Variants in EXOSC10 observed in about 807,000 individuals in gnomAD.
EXOSC10 encodes the protein exosome component 10.
In EXOSC10, 94 loss-of-function variants were observed where a neutral mutation model predicts 126.6. That is an observed-to-expected ratio of 0.74 (90% confidence interval 0.63 to 0.88). The LOEUF (loss-of-function observed/expected upper bound fraction) is 0.88, where lower values mean the gene tolerates loss of function less well. Ranked by LOEUF, EXOSC10 falls within the 40% of genes least tolerant of loss-of-function variation. The pLI, the probability that EXOSC10 is intolerant of heterozygous loss-of-function variation, is 0.00. For missense variants in EXOSC10, 1,041 were observed against 1,100.5 expected (o/e 0.95, Z 0.77); for synonymous variants, 395 against 400.8 (o/e 0.99, Z 0.17).
At chr1:11,079,850 T>C (rs773757697) in intron 13 of EXOSC10, 28 bp from the exon 14 acceptor site, 2 of 1,568,112 alleles carry the variant, frequency 1.3e-6, no homozygotes, top group African/African-American at 1.4e-5. Flanking sequence ...CACACTCAAC[T>C]TGTCACTCAG....
At chr1:11,086,662 A>G (rs2100208524) in intron 9 of EXOSC10, among the ~76,000 whole-genome samples, 1 of 152,276 alleles carries the variant, frequency 6.6e-6, no homozygotes, top group East Asian at 1.9e-4. Context: ...AGGATTAAGA[A>G]ACTCACTCAA....
At chr1:11,080,247 T>C (rs975468206) in intron 13 of EXOSC10, among the ~76,000 whole-genome samples, 8 of 152,224 alleles carry the variant, frequency 5.3e-5, no homozygotes, top group Non-Finnish European at 1.2e-4. Flanking sequence ...GTAGATGCTA[T>C]AAGGCTCAGA....
At chr1:11,068,849 A>G in intron 22 of EXOSC10, 143 bp from the exon 23 acceptor site, 1 of 692,706 alleles carries the variant, frequency 1.4e-6, no homozygotes, top group African/African-American at 1.8e-5. Flanking sequence ...GCTAGGGCTC[A>G]TGGCTCACAT....
At chr1:11,076,427 G>A (rs771529218) in intron 17 of EXOSC10, among the ~76,000 whole-genome samples, 21 of 152,090 alleles carry the variant, frequency 1.4e-4, no homozygotes, top group Non-Finnish European at 2.5e-4. Flanking sequence ...TATGGGCAGC[G>A]CACATTCTAC....
rs1639445187 is a variant in EXOSC10 at position 11,070,891 on chromosome 1, G to A, written c.2316+9C>T. 3 of 1,612,704 alleles carry A rather than the reference G, an allele frequency of 1.9e-6. No individual in the cohort carries two copies. Among genetic ancestry groups the A allele is most frequent in the Non-Finnish European group, 2.5e-6 (3 of 1,179,142 alleles). Reference sequence around the variant, plus strand: ...TTTCAAAGGAAAAAGGAGAAAAGCTGGCACATACCACGACCTGCTGTCGGA... The same window carrying A: ...TTTCAAAGGAAAAAGGAGAAAAGCTAGCACATACCACGACCTGCTGTCGGA... On this transcript the variant is annotated intron_variant, in intron 21 of 24. Coordinates refer to ENST00000376936, the MANE Select transcript of EXOSC10 (RefSeq NM_001001998.3).
At chr1:11,078,264 C>CTTTTTTTTTTTTTTCTTT (rs1220119181) in intron 14 of EXOSC10, among the ~76,000 whole-genome samples, 1 of 143,668 alleles carries the variant, frequency 7.0e-6, no homozygotes, top group African/African-American at 2.6e-5. Flanking sequence ...GACCCTGTTT[C>CTTTTTTTTTTTTTTCTTT]TTTTTTTTTT....
chr1:11,099,839 G>C lies in EXOSC10; in HGVS notation c.-8C>G. On this transcript the variant is annotated 5_prime_UTR_variant, in exon 1 of 25. Transcript: ENST00000376936. ...GGTACTGGGTGGCGCCATTTTTTCA[G>C]CCTGCACGGCTCGTCTCGCGAGAGC... 1.3e-6 allele frequency: 2 copies of C among 1,596,536 alleles called. No individual in the cohort carries two copies. The highest frequency in any genetic ancestry group is 1.4e-5 in the African/African-American group (1 of 73,884).
At chr1:11,077,078 G>A (rs988356320) in intron 16 of EXOSC10, 130 bp from the exon 17 acceptor site, 29 of 690,418 alleles carry the variant, frequency 4.2e-5, no homozygotes, top group South Asian at 1.0e-4. Flanking sequence ...TGCAACCTCC[G>A]CCTCCTCGGT....
intron 3 of EXOSC10, 85 bp from the exon 4 acceptor site, chr1:11,091,682 G>T: frequency 1.0e-6 from 1 of 999,810 alleles, no homozygotes; most frequent in Non-Finnish European, 1.5e-6. Context: ...TATTTAACAT[G>T]GAGTATCACT....
chr1:11,082,935 A>AGTTT, intron 9 of EXOSC10, 57 bp from the exon 10 acceptor site: 2 of 1,358,672 alleles, frequency 1.5e-6, no homozygotes, highest in South Asian at 2.4e-5. Flanking sequence ...CATGCTCAGA[A>AGTTT]ATTAACTCTG....
intron 18 of EXOSC10, 57 bp from the exon 19 acceptor site, chr1:11,074,065 G>C (rs760752203): frequency 1.1e-4 from 169 of 1,546,460 alleles, no homozygotes; most frequent in Non-Finnish European, 1.4e-4. Flanking sequence ...TAGAGCCACG[G>C]GGCAGAAGCG....
intron 3 of EXOSC10, among the ~76,000 whole-genome samples, chr1:11,093,407 C>G (rs905432017): frequency 6.6e-6 from 1 of 152,136 alleles, no homozygotes; most frequent in Admixed American, 6.5e-5. Context: ...AGAGGCACAA[C>G]CAGGTGACAC....
At position 11,090,670 on chromosome 1, in the gene EXOSC10, T is replaced by C. The variant is rs1385760073; in HGVS notation, c.644-2A>G. The C allele has an allele frequency of 8.7e-6, 14 of 1,600,876 alleles. No individual in the cohort carries two copies. Among genetic ancestry groups the C allele is most frequent in the Non-Finnish European group, 1.2e-5 (14 of 1,171,914 alleles). ...GTTCCCGCCTTTCCTTAGAGAGAGC[T>C]GGGGATCCCAGCAGTGACAAAAACA... On this transcript the variant is annotated splice_acceptor_variant, in intron 5 of 24. Transcript: ENST00000376936. LOFTEE classifies it high-confidence loss of function.
chr1:11,090,952 C>T, intron 5 of EXOSC10, 62 bp downstream of exon 5: 1 of 1,555,972 alleles, frequency 6.4e-7, no homozygotes, highest in Non-Finnish European at 8.8e-7. Flanking sequence ...CCTGTACACC[C>T]TTCCTGGTTT....
At chr1:11,096,870 G>A (rs1040237512) in intron 2 of EXOSC10, among the ~76,000 whole-genome samples, 32 of 152,038 alleles carry the variant, frequency 2.1e-4, no homozygotes, top group African/African-American at 7.0e-4. Flanking sequence ...GAGTGGTCAC[G>A]ACTTCGAGAC....
chr1:11,080,439 T>G (rs1260065785), intron 13 of EXOSC10, 60 bp downstream of exon 13: 41 of 1,598,686 alleles, frequency 2.6e-5, no homozygotes, highest in Non-Finnish European at 3.5e-5. Flanking sequence ...AAAGCTTGAT[T>G]TTGAAGAACA....
At chr1:11,091,891 G>A (rs1367227550) in intron 3 of EXOSC10, among the ~76,000 whole-genome samples, 3 of 151,962 alleles carry the variant, frequency 2.0e-5, no homozygotes, top group Non-Finnish European at 4.4e-5. Flanking sequence ...GGTTTCACCC[G>A]GTTGGCCAGG....
At position 11,088,158 on chromosome 1, in the gene EXOSC10, G is replaced by A; in HGVS notation, c.799C>T (p.Pro267Ser). Reference protein sequence around the residue: ...PYQYELNHFTPADAVLQKPQP... With the variant: ...PYQYELNHFTSADAVLQKPQP... ...GGCTTTTGAAGCACTGCATCTGCTG[G>A]GGTAAAGTGATTTAGTTCATATTGA... Residue 267 changes from proline to serine, a missense_variant, in exon 7 of 25, where the codon CCA (proline) becomes TCA (serine). By Grantham distance (74) the Pro-to-Ser change is moderately conservative. Around this residue, in one of 3 missense-constraint regions of EXOSC10, gnomAD observed 645 missense variants for 656.3 expected, o/e 0.98. Coordinates refer to ENST00000376936, the MANE Select transcript of EXOSC10 (RefSeq NM_001001998.3). 1 of 1,613,508 alleles carries A rather than the reference G, an allele frequency of 6.2e-7. No homozygotes were observed. The highest frequency in any genetic ancestry group is 1.1e-5 in the South Asian group (1 of 90,932).
chr1:11,074,408 C>G, intron 17 of EXOSC10, 82 bp from the exon 18 acceptor site: 1 of 1,001,832 alleles, frequency 1.0e-6, no homozygotes, highest in Non-Finnish European at 1.5e-6. Flanking sequence ...CAACAGTTAA[C>G]AGTGATTTTT....
Sources: gnomAD v4.1 joint callset for allele counts (sites outside exome capture counted in the v4.1 genomes callset) on GRCh38, gnomAD v4.1.1 for gene constraint, gnomAD v4.1.1 regional missense constraint, MANE v1.5 for transcripts, NCBI Gene and HGNC (gene_info 2026-07-23, HGNC 2026-07-21) for gene names.